The following RELN variants were observed in gnomAD, a reference collection of about 807,000 sequenced individuals.
RELN encodes reelin.
In RELN, 108 loss-of-function variants were observed where a neutral mutation model predicts 427.6. That is an observed-to-expected ratio of 0.25 (90% confidence interval 0.22 to 0.30). The LOEUF (loss-of-function observed/expected upper bound fraction) is 0.30, where lower values mean the gene tolerates loss of function less well. RELN is among the 10% of genes least tolerant of loss of function. RELN has a pLI of 1.00. For synonymous variants in RELN, 1,524 were observed against 1,513.4 expected (o/e 1.01, Z -0.16); for missense variants, 3,715 against 4,302.8 (o/e 0.86, Z 3.82).
chr7:103,762,118 G>C (rs1010305916), intron 4 of RELN, among the ~76,000 whole-genome samples: 1 of 152,146 alleles, frequency 6.6e-6, no homozygotes, highest in South Asian at 2.1e-4. Context: ...GCCCATATGA[G>C]GTGAGCAGAA....
chr7:103,624,866 T>TA (rs1048612402), intron 20 of RELN, among the ~76,000 whole-genome samples: 114 of 151,760 alleles, frequency 7.5e-4, no homozygotes, highest in Middle Eastern at 6.8e-3. Context: ...ACTTGTGTTT[T>TA]AAAAAAAAAG....
At chr7:103,905,633 TATTC>T (rs1019094292) in intron 2 of RELN, among the ~76,000 whole-genome samples, 5 of 152,320 alleles carry the variant, frequency 3.3e-5, no homozygotes, top group Middle Eastern at 3.4e-3. Flanking sequence ...GTTATTGGTC[TATTC>T]ATTCAGTAAA....
chr7:103,651,728 A>T lies in RELN; in HGVS notation c.1825T>A (p.Leu609Ile). ...RSWSLLHTEC[L>I]PEICAGPHLP... The stretch of plus-strand genomic sequence containing the variant: ...TGGGGTCCAGCACAGATCTCAGGTA[A>T]GCATTCAGTGTGAAGGAGGGACCAG... Residue 609 changes from leucine to isoleucine, a missense_variant, in exon 15 of 65, where the codon TTA (leucine) becomes ATA (isoleucine). Leu to Ile is a conservative substitution (Grantham distance 5). Coordinates refer to ENST00000428762, the MANE Select transcript of RELN (RefSeq NM_005045.4). 6.2e-7 allele frequency: 1 copy of T among 1,612,074 alleles called. No homozygotes were observed. The highest frequency in any genetic ancestry group is 8.5e-7 in the Non-Finnish European group (1 of 1,178,764).
intron 36 of RELN, 44 bp from the exon 37 acceptor site, chr7:103,558,093 C>A: frequency 2.2e-6 from 2 of 920,744 alleles, no homozygotes; most frequent in Non-Finnish European, 3.6e-6. Flanking sequence ...TTTTCACTTG[C>A]AAAATTGTAT....
intron 53 of RELN, among the ~76,000 whole-genome samples, chr7:103,498,532 C>G (rs150702083): frequency 1.6e-3 from 246 of 151,836 alleles, no homozygotes; most frequent in African/African-American, 5.8e-3. Flanking sequence ...TGCTCTGTCA[C>G]TTGGGCTGGA....
chr7:103,971,707 G>T (rs1293871562), intron 1 of RELN, among the ~76,000 whole-genome samples: 1 of 152,098 alleles, frequency 6.6e-6, no homozygotes, highest in African/African-American at 2.4e-5. Flanking sequence ...TTTTGAACTG[G>T]AACTTTCAGT....
At chr7:103,499,697 A>G (rs1001832190) in intron 53 of RELN, among the ~76,000 whole-genome samples, 3 of 152,222 alleles carry the variant, frequency 2.0e-5, no homozygotes, top group African/African-American at 7.2e-5. Context: ...TTTATAATTG[A>G]AAGCTTGTAA....
At chr7:103,858,140 A>G (rs1793989394) in intron 2 of RELN, among the ~76,000 whole-genome samples, 1 of 152,168 alleles carries the variant, frequency 6.6e-6, no homozygotes, top group Admixed American at 6.6e-5. Flanking sequence ...GTAATGGTTA[A>G]GTACAACAGG....
At position 103,728,175 on chromosome 7, in the gene RELN, T is replaced by C; in HGVS notation, c.689A>G (p.Gln230Arg). ...VECNNCETGE[Q>R]CGAIMHGNAV... ...ATTGCCATGCATAATCGCGCCACAC[T>C]GTTCTCCAGTCTCACAGTTGTTACA... Residue 230 changes from glutamine to arginine, a missense_variant, in exon 7 of 65, where the codon CAG becomes CGG. Physicochemically the swap from Gln to Arg is conservative, Grantham distance 43. Coordinates refer to ENST00000428762, the MANE Select transcript of RELN (RefSeq NM_005045.4). 6.2e-7 allele frequency: 1 copy of C among 1,613,896 alleles called. No individual in the cohort carries two copies. The highest frequency in any genetic ancestry group is 8.5e-7 in the Non-Finnish European group (1 of 1,179,890).
intron 1 of RELN, among the ~76,000 whole-genome samples, chr7:103,951,893 A>C (rs1355206924): frequency 1.3e-5 from 2 of 152,174 alleles, no homozygotes; most frequent in Non-Finnish European, 2.9e-5. Context: ...GGCTGGTCTC[A>C]AACTCCTGAC....
At chr7:103,694,726 T>C (rs746865108) in intron 10 of RELN, among the ~76,000 whole-genome samples, 1 of 152,000 alleles carries the variant, frequency 6.6e-6, no homozygotes, top group Non-Finnish European at 1.5e-5. Context: ...TTTTTTCAGA[T>C]CATAGCTCAC....
intron 2 of RELN, among the ~76,000 whole-genome samples, chr7:103,889,064 C>G (rs1002469333): frequency 1.3e-5 from 2 of 152,102 alleles, no homozygotes; most frequent in African/African-American, 4.8e-5. Context: ...CTGTTTCTGA[C>G]GAGAGAAAAT....
chr7:103,604,606 T>G lies in RELN; in HGVS notation c.3009-123A>C. On this transcript the variant is annotated intron_variant, in intron 22 of 64. Coordinates refer to ENST00000428762, the MANE Select transcript of RELN (RefSeq NM_005045.4). ...TTCTGGAACTTGAGCTTAGCTGGCA[T>G]CATTTTTCTTTAATTTCCACTCAAT... 4 of 921,548 alleles carry G rather than the reference T, an allele frequency of 4.3e-6. No homozygotes were observed. The South Asian group carries it at 5.6e-5, about 13-fold the overall frequency. The allele number at this position is 921,548 out of a possible 1,614,324, so 57.1% of individuals were successfully genotyped here.
At chr7:103,864,472 C>G (rs1309932602) in intron 2 of RELN, among the ~76,000 whole-genome samples, 1 of 152,116 alleles carries the variant, frequency 6.6e-6, no homozygotes, top group Non-Finnish European at 1.5e-5. Flanking sequence ...TGGCACCTGG[C>G]AACCACCATT....
At chr7:103,520,971 T>TTA (rs1562869036) in intron 48 of RELN, among the ~76,000 whole-genome samples, 8 of 127,354 alleles carry the variant, frequency 6.3e-5, no homozygotes, top group Admixed American at 1.6e-4. Context: ...TTTTTTTTTT[T>TTA]TTTTTTTTTT....
At chr7:103,714,922 A>C (rs1220940562) in intron 8 of RELN, among the ~76,000 whole-genome samples, 1 of 152,180 alleles carries the variant, frequency 6.6e-6, no homozygotes, top group Non-Finnish European at 1.5e-5. Flanking sequence ...AGAGCAAACA[A>C]ATTTAATTTT....
rs1830726875 is a variant in RELN at position 103,565,398 on chromosome 7, A to T, written c.5090T>A (p.Val1697Asp). The change falls in exon 34 of 65, where the codon GTC becomes GAC. Residue 1697 changes from valine (V) to aspartate (D), a missense_variant. Around this residue, in one of 4 missense-constraint regions of RELN, gnomAD observed 2,208 missense variants for 2,361.7 expected, o/e 0.93. Transcript: ENST00000428762. Reference protein sequence around the residue: ...SLNNGKDWHLVTEECVPPTIG... With the variant: ...SLNNGKDWHLDTEECVPPTIG... ...GGTTGGAGGAACACACTCTTCGGTG[A>T]CAAGATGCCAGTCCTTGCCATTGTT... is the stretch of plus-strand genomic sequence containing the variant. 1 of 1,613,994 alleles carries T rather than the reference A, an allele frequency of 6.2e-7. No homozygotes were observed. Among genetic ancestry groups the T allele is most frequent in the African/African-American group, 1.3e-5 (1 of 74,930 alleles).
At chr7:103,490,208 C>T (rs768696745) in intron 59 of RELN, among the ~76,000 whole-genome samples, 2 of 152,042 alleles carry the variant, frequency 1.3e-5, no homozygotes, top group Admixed American at 6.5e-5. Context: ...TTGAGTAAAC[C>T]GAATGCTGCT....
At chr7:103,580,261 G>A (rs1057337245) in intron 28 of RELN, among the ~76,000 whole-genome samples, 1 of 152,198 alleles carries the variant, frequency 6.6e-6, no homozygotes, top group African/African-American at 2.4e-5. Flanking sequence ...TATTGCAGAA[G>A]GAGCAACAAC....
Sources: gnomAD v4.1 joint callset for allele counts (sites outside exome capture counted in the v4.1 genomes callset) on GRCh38, gnomAD v4.1.1 for gene constraint, gnomAD v4.1.1 regional missense constraint, MANE v1.5 for transcripts, NCBI Gene and HGNC (gene_info 2026-07-23, HGNC 2026-07-21) for gene names.